Variants in IGF2BP3 observed in about 807,000 individuals in gnomAD.
IGF2BP3 encodes the protein insulin like growth factor 2 mRNA binding protein 3, also known as insulin-like growth factor 2 mRNA-binding protein 3.
Under a neutral mutation model 73.8 loss-of-function variants are expected in IGF2BP3, and 9 were observed. The ratio of observed to expected loss-of-function variants is 0.12; its 90% CI spans 0.07 to 0.21. The LOEUF is 0.21. IGF2BP3 is among the 10% of genes least tolerant of loss of function. The pLI, the probability that IGF2BP3 is intolerant of heterozygous loss-of-function variation, is 1.00. For missense variants in IGF2BP3, 542 were observed against 714.0 expected (o/e 0.76, Z 2.75); for synonymous variants, 258 against 256.7 (o/e 1.01, Z -0.05).
chr7:23,333,441 A>C (rs1784491233), intron 10 of IGF2BP3, among the ~76,000 whole-genome samples: 1 of 152,192 alleles, frequency 6.6e-6, no homozygotes, highest in African/African-American at 2.4e-5. Flanking sequence ...CTGTTGTGAG[A>C]AACAAAAACA....
Position 23,469,072 on chromosome 7 carries a change from A to T in IGF2BP3, c.176-530T>A, listed in dbSNP as rs2128553466. 6.6e-6 allele frequency among the ~76,000 whole-genome samples: 1 copy of T among 152,344 alleles called. No homozygotes were observed. The highest frequency in any genetic ancestry group is 1.9e-4 in the East Asian group (1 of 5,178). On this transcript the variant is annotated intron_variant, in intron 1 of 14. Coordinates refer to ENST00000258729, the MANE Select transcript of IGF2BP3 (RefSeq NM_006547.3). This position sits in a 1 kb window ranked among gnomAD's most constrained non-coding sequence, Gnocchi z 6.1. ...AGAACTGGCAGAGGCGCAGCTCGGC[A>T]CAGGCTGAACCAGGCGCGAAGGACG...
chr7:23,380,668 C>A (rs1044455722), intron 3 of IGF2BP3, among the ~76,000 whole-genome samples: 4 of 152,170 alleles, frequency 2.6e-5, no homozygotes, highest in African/African-American at 9.7e-5. Context: ...TGAATAGCGC[C>A]CTTTAAAAAT....
intron 6 of IGF2BP3, chr7:23,347,946 T>TC: frequency 1.9e-6 from 1 of 527,786 alleles, no homozygotes; most frequent in East Asian, 3.2e-5. Flanking sequence ...CTTTCCTCAA[T>TC]CCAACCAAGC....
chr7:23,366,988 C>CTTTTTT (rs397942338), intron 3 of IGF2BP3, among the ~76,000 whole-genome samples: 1 of 116,182 alleles, frequency 8.6e-6, no homozygotes, highest in African/African-American at 3.3e-5. Flanking sequence ...TCACATTTTG[C>CTTTTTT]TTTTTTTTTT....
Position 23,417,927 on chromosome 7 carries a change from A to T in IGF2BP3, c.285+849T>A, listed in dbSNP as rs146223699. The stretch of plus-strand genomic sequence containing the variant: ...TAATCTCAATAATACTGTTCTGAAG[A>T]TAAATATTCTCAGCACAAATCACCT... On this transcript the variant is annotated intron_variant, in intron 3 of 14. Coordinates refer to ENST00000258729, the MANE Select transcript of IGF2BP3 (RefSeq NM_006547.3). Among the ~76,000 whole-genome samples the T allele has an allele frequency of 5.9e-5, 9 of 152,360 alleles. No homozygotes were observed. In the East Asian group the frequency reaches 1.7e-3, roughly 29 times the overall value.
intron 3 of IGF2BP3, among the ~76,000 whole-genome samples, chr7:23,378,595 GAC>G (rs1403423841): frequency 1.2e-5 from 1 of 82,486 alleles, no homozygotes; most frequent in African/African-American, 5.6e-5. Flanking sequence ...TTTTTTTTGA[GAC>G]AGAGTCTCGC....
intron 3 of IGF2BP3, among the ~76,000 whole-genome samples, chr7:23,364,449 G>C (rs1409037915): frequency 6.6e-6 from 1 of 150,510 alleles, no homozygotes; most frequent in African/African-American, 2.4e-5. Flanking sequence ...TTGGGAGGCC[G>C]AGGCAAGAGA....
At chr7:23,396,516 GAA>G in intron 3 of IGF2BP3, 2 of 159,810 alleles carry the variant, frequency 1.3e-5, no homozygotes, top group Non-Finnish European at 2.8e-5. Flanking sequence ...GTTTTCTGAA[GAA>G]AAAAAAAATA....
chr7:23,348,220 CCTT>C (rs2128503691), intron 6 of IGF2BP3, among the ~76,000 whole-genome samples: 1 of 152,294 alleles, frequency 6.6e-6, no homozygotes, highest in South Asian at 2.1e-4. Flanking sequence ...CATTTTGCCT[CCTT>C]GATAGAGGAA....
chr7:23,413,923 C>G (rs1247080737), intron 3 of IGF2BP3: 1 of 152,244 alleles, frequency 6.6e-6, no homozygotes, highest in East Asian at 1.9e-4. Flanking sequence ...GAGGCCAAGG[C>G]GGGCAGATCA....
At chr7:23,456,567 C>A (rs1430902482) in intron 2 of IGF2BP3, among the ~76,000 whole-genome samples, 1 of 152,140 alleles carries the variant, frequency 6.6e-6, no homozygotes, top group Non-Finnish European at 1.5e-5. Flanking sequence ...TTTTTATATA[C>A]AAGGGGCACA....
At chr7:23,396,414 TAC>T (rs375114853) in intron 3 of IGF2BP3, 218 of 153,544 alleles carry the variant, frequency 1.4e-3, no homozygotes, top group South Asian at 4.5e-3. Flanking sequence ...AATATGTACT[TAC>T]ACACACACAC....
rs1400523665 is a variant in IGF2BP3, at chr7:23,311,722, T to G, written c.*640A>C. 2.8e-5 allele frequency: 4 copies of G among 141,810 alleles called. No individual in the cohort carries two copies. Among genetic ancestry groups the G allele is most frequent in the African/African-American group, 9.7e-5 (4 of 41,092 alleles). The allele number at this position is 141,810 out of a possible 1,614,324, so 8.8% of individuals were successfully genotyped here. A position where few individuals can be genotyped will look rare whatever the true frequency, so the allele number is the denominator to read the frequency against. On this transcript the variant is annotated 3_prime_UTR_variant, in exon 15 of 15. Coordinates refer to ENST00000258729, the MANE Select transcript of IGF2BP3 (RefSeq NM_006547.3). ...TTATTTTTTAAAAAACGGTTGGACT[T>G]CTATCATTATAAAGTATATAAAATT...
At chr7:23,429,941 T>C (rs2390753) in intron 2 of IGF2BP3, among the ~76,000 whole-genome samples, 5,726 of 152,248 alleles carry the variant, frequency 0.038, 327 homozygotes, top group East Asian at 0.29. Context: ...CTCAGCCCCT[T>C]CCTTCTACCA....
chr7:23,449,410 G>A (rs115520803), intron 2 of IGF2BP3, among the ~76,000 whole-genome samples: 3,927 of 151,912 alleles, frequency 0.026, 190 homozygotes, highest in African/African-American at 0.09. Flanking sequence ...CCAGCTACTC[G>A]GAAGGCTGAG....
intron 3 of IGF2BP3, among the ~76,000 whole-genome samples, chr7:23,362,338 A>G (rs1785250488): frequency 3.9e-5 from 6 of 152,242 alleles, no homozygotes; most frequent in Admixed American, 3.9e-4. Flanking sequence ...TACAGCTCGA[A>G]TGGTTCTTAC....
At chr7:23,361,408 T>C (rs561718261) in intron 5 of IGF2BP3, 126 bp downstream of exon 5, 2 of 684,228 alleles carry the variant, frequency 2.9e-6, no homozygotes, top group East Asian at 2.7e-5. Context: ...GATTACAGGG[T>C]CAAATTTTGT....
intron 8 of IGF2BP3, among the ~76,000 whole-genome samples, chr7:23,345,239 T>C (rs1408714570): frequency 6.6e-6 from 1 of 152,226 alleles, no homozygotes; most frequent in Non-Finnish European, 1.5e-5. Flanking sequence ...TTTCAGAGCA[T>C]CCACAGATTC....
chr7:23,386,414 C>T (rs187100849), intron 3 of IGF2BP3, among the ~76,000 whole-genome samples: 57 of 152,230 alleles, frequency 3.7e-4, no homozygotes, highest in Admixed American at 2.7e-3. Flanking sequence ...AAAGAAAAAA[C>T]CAATCGCAAC....
Sources: allele counts gnomAD v4.1 joint callset (sites outside exome capture counted in the v4.1 genomes callset), GRCh38; gene constraint gnomAD v4.1.1; non-coding constraint Gnocchi (gnomAD v3.1); transcripts MANE v1.5; gene names NCBI Gene and HGNC (gene_info 2026-07-23, HGNC 2026-07-21).